INPP4B: variants seen among roughly 807,000 people sequenced by gnomAD.
INPP4B encodes inositol polyphosphate-4-phosphatase type II B.
In INPP4B, 55 loss-of-function variants were observed where a neutral mutation model predicts 122.5. The ratio of observed to expected loss-of-function variants is 0.45; its 90% CI spans 0.36 to 0.56. INPP4B has a LOEUF of 0.56. INPP4B is among the 20% of genes least tolerant of loss of function. The probability of loss-of-function intolerance (pLI) is 0.00; values close to 1 mark genes in which losing one functional copy is unlikely to be tolerated. For missense variants in INPP4B, 1,000 were observed against 1,097.7 expected, an observed-to-expected ratio of 0.91 and a Z score of 1.26; for synonymous variants, 403 against 388.7, an observed-to-expected ratio of 1.04 and a Z score of -0.43.
At chr4:142,461,406 G>A (rs1340319714) in intron 3 of INPP4B, among the ~76,000 whole-genome samples, 3 of 152,178 alleles carry the variant, frequency 2.0e-5, no homozygotes, top group Non-Finnish European at 2.9e-5. Flanking sequence ...AAGAAAACCA[G>A]TATTACTAAT....
intron 7 of INPP4B, among the ~76,000 whole-genome samples, chr4:142,386,763 C>T (rs1035883002): frequency 5.9e-5 from 9 of 152,246 alleles, no homozygotes; most frequent in African/African-American, 1.9e-4. Context: ...GGGTGCTGCC[C>T]GAATCGTAAA....
chr4:142,845,649 A>G (rs965352500), intron 1 of INPP4B, among the ~76,000 whole-genome samples: 1 of 152,106 alleles, frequency 6.6e-6, no homozygotes, highest in Non-Finnish European at 1.5e-5. Flanking sequence ...AAAACAAAAA[A>G]CAAGGCAACC....
At chr4:142,129,801 T>A (rs1358111422) in intron 18 of INPP4B, among the ~76,000 whole-genome samples, 2 of 152,224 alleles carry the variant, frequency 1.3e-5, no homozygotes, top group African/African-American at 4.8e-5. Context: ...TTTTCTTCTT[T>A]TAATAAATGC....
At chr4:142,167,569 G>T (rs1325188439) in intron 16 of INPP4B, among the ~76,000 whole-genome samples, 2 of 151,580 alleles carry the variant, frequency 1.3e-5, no homozygotes, top group East Asian at 1.9e-4. Context: ...TTTTAAAAAA[G>T]ATATTGTTTT....
chr4:142,068,555 A>G (rs990722022), intron 25 of INPP4B, among the ~76,000 whole-genome samples: 4 of 152,238 alleles, frequency 2.6e-5, no homozygotes, highest in Non-Finnish European at 5.9e-5. Flanking sequence ...TAAAGAGTCA[A>G]GAGCCATCAG....
chr4:142,837,293 CA>C, intron 1 of INPP4B, among the ~76,000 whole-genome samples: 1 of 152,056 alleles, frequency 6.6e-6, no homozygotes, highest in Non-Finnish European at 1.5e-5. Flanking sequence ...CAATCTCAAA[CA>C]ATAGTAGAAG....
intron 1 of INPP4B, among the ~76,000 whole-genome samples, chr4:142,834,962 AC>A (rs1782606924): frequency 1.3e-5 from 2 of 152,344 alleles, no homozygotes; most frequent in Non-Finnish European, 2.9e-5. Context: ...TAAGCTCTTC[AC>A]CTGTTTTCAT....
intron 25 of INPP4B, among the ~76,000 whole-genome samples, chr4:142,043,182 C>T (rs1319729048): frequency 2.0e-5 from 3 of 152,078 alleles, no homozygotes; most frequent in East Asian, 1.9e-4. Context: ...TCTTTAATTC[C>T]ACTCTACCAT....
chr4:142,048,075 T>C (rs1389802155), intron 25 of INPP4B, among the ~76,000 whole-genome samples: 1 of 152,142 alleles, frequency 6.6e-6, no homozygotes, highest in Non-Finnish European at 1.5e-5. Context: ...TTAGCTTTCA[T>C]ACCACTCCTG....
intron 2 of INPP4B, among the ~76,000 whole-genome samples, chr4:142,614,090 T>A (rs531597399): frequency 5.3e-5 from 8 of 152,026 alleles, no homozygotes; most frequent in Admixed American, 5.2e-4. Context: ...GATGCACAGA[T>A]CAATGGAACA....
rs144541345 is a variant in INPP4B at position 142,042,293 on chromosome 4, T to C, written c.2643-13379A>G. Among the ~76,000 whole-genome samples the C allele has an allele frequency of 3.9e-3, 592 of 152,274 alleles. 2 individuals carry two copies. Among genetic ancestry groups the C allele is most frequent in the Non-Finnish European group, 6.9e-3 (468 of 68,008 alleles). On this transcript the variant is annotated intron_variant, in intron 25 of 25. Coordinates refer to ENST00000262992, the MANE Select transcript of INPP4B (RefSeq NM_001101669.3). ...AGCTTCCATGGAATCAAAATTCAGCTGTATCCTAGCTATGCACAGGGAGCC... is the reference window on the plus strand; with the variant it reads ...AGCTTCCATGGAATCAAAATTCAGCCGTATCCTAGCTATGCACAGGGAGCC...
intron 7 of INPP4B, among the ~76,000 whole-genome samples, chr4:142,382,506 C>CA (rs1362173684): frequency 7.0e-6 from 1 of 143,506 alleles, no homozygotes; most frequent in African/African-American, 2.6e-5. Flanking sequence ...GACTCCGTTT[C>CA]AAAAAAAACA....
At chr4:142,456,190 T>C (rs2149546668) in intron 3 of INPP4B, among the ~76,000 whole-genome samples, 1 of 152,120 alleles carries the variant, frequency 6.6e-6, no homozygotes, top group South Asian at 2.1e-4. Flanking sequence ...TGCTTGGTTG[T>C]CTATGCTTGT....
intron 16 of INPP4B, among the ~76,000 whole-genome samples, chr4:142,161,218 G>C (rs1430313646): frequency 6.6e-6 from 1 of 151,864 alleles, no homozygotes; most frequent in Admixed American, 6.6e-5. Flanking sequence ...GTGAAACTTG[G>C]CATGTAGATT....
chr4:142,621,881 G>C (rs1745018492), intron 2 of INPP4B, among the ~76,000 whole-genome samples: 1 of 151,802 alleles, frequency 6.6e-6, no homozygotes, highest in South Asian at 2.1e-4. Flanking sequence ...GCTTTAAGTA[G>C]TATAACTTAC....
At position 142,048,735 on chromosome 4, in the gene INPP4B, A is replaced by G. The variant is rs546581602; in HGVS notation, c.2643-19821T>C. Reference sequence around the variant, plus strand: ...CTTGAGAGCTGGTTAAAGAAAAGCTATTGCAAGATCATAGTATTATACATG... The same window carrying G: ...CTTGAGAGCTGGTTAAAGAAAAGCTGTTGCAAGATCATAGTATTATACATG... On this transcript the variant is annotated intron_variant, in intron 25 of 25. Coordinates refer to ENST00000262992, the MANE Select transcript of INPP4B (RefSeq NM_001101669.3). Among the ~76,000 whole-genome samples the G allele has an allele frequency of 9.2e-5, 14 of 152,156 alleles. 1 individual carries two copies. Among genetic ancestry groups the G allele is most frequent in the Admixed American group, 3.9e-4 (6 of 15,252 alleles).
chr4:142,501,743 A>T (rs1009513717), intron 2 of INPP4B, among the ~76,000 whole-genome samples: 4 of 152,094 alleles, frequency 2.6e-5, no homozygotes, highest in Non-Finnish European at 4.4e-5. Context: ...AGACTTCATG[A>T]TAAAAATAAT....
At chr4:142,603,383 A>C (rs2150307662) in intron 2 of INPP4B, among the ~76,000 whole-genome samples, 2 of 152,084 alleles carry the variant, frequency 1.3e-5, no homozygotes, top group East Asian at 3.8e-4. Context: ...CCAAACTTAA[A>C]ATAAAAGTTG....
intron 2 of INPP4B, among the ~76,000 whole-genome samples, chr4:142,523,281 C>G (rs546705843): frequency 6.6e-6 from 1 of 152,096 alleles, no homozygotes; most frequent in African/African-American, 2.4e-5. Context: ...CCAGATAATT[C>G]GAATGCATAC....
Sources: gnomAD v4.1 joint callset for allele counts (sites outside exome capture counted in the v4.1 genomes callset) on GRCh38, gnomAD v4.1.1 for gene constraint, MANE v1.5 for transcripts, NCBI Gene and HGNC (gene_info 2026-07-23, HGNC 2026-07-21) for gene names.